RAB1A: variants seen among roughly 807,000 people sequenced by gnomAD.
RAB1A encodes the protein ras-related protein Rab-1A.
In RAB1A, 2 loss-of-function variants were observed where a neutral mutation model predicts 26.0. That is an observed-to-expected ratio of 0.08 (90% confidence interval 0.03 to 0.24). The LOEUF is 0.24. RAB1A is among the 10% of genes least tolerant of loss of function. The pLI is 1.00. For missense variants in RAB1A, 100 were observed against 247.0 expected (o/e 0.40, Z 3.99); for synonymous variants, 84 against 84.9 (o/e 0.99, Z 0.06).
At chr2:65,091,102 C>T in intron 3 of RAB1A, 24 bp from the exon 4 acceptor site, 1 of 1,556,286 alleles carries the variant, frequency 6.4e-7, no homozygotes, top group Non-Finnish European at 8.8e-7. Context: ...ATCAAGAAAT[C>T]CAAACAATTC....
chr2:65,098,533 T>G (rs1573069161), intron 2 of RAB1A, among the ~76,000 whole-genome samples: 1 of 20,922 alleles, frequency 4.8e-5, no homozygotes, highest in South Asian at 1.4e-3. Flanking sequence ...CTAATTATGA[T>G]TTTTTTTTTT....
At chr2:65,098,095 T>C (rs767957296) in intron 2 of RAB1A, 29 bp from the exon 3 acceptor site, 33 of 1,353,472 alleles carry the variant, frequency 2.4e-5, no homozygotes, top group Non-Finnish European at 1.1e-5. Context: ...AACAATTAAA[T>C]GTATTGTTCA....
chr2:65,088,753 T>C, intron 5 of RAB1A, 63 bp from the exon 6 acceptor site: 1 of 1,407,310 alleles, frequency 7.1e-7, no homozygotes, highest in Non-Finnish European at 9.7e-7. Context: ...TTAGTGCATT[T>C]CTACCATCCA....
At chr2:65,128,993 G>A (rs982792646) in intron 1 of RAB1A, among the ~76,000 whole-genome samples, 5 of 152,058 alleles carry the variant, frequency 3.3e-5, no homozygotes, top group African/African-American at 1.2e-4. Context: ...TTCATGACAC[G>A]TCATGGAACC....
rs144722690 is a variant in RAB1A at position 65,094,333 on chromosome 2, C to T, written c.193-3255G>A. On this transcript the variant is annotated intron_variant, in intron 3 of 5. Transcript: ENST00000409784. The stretch of plus-strand genomic sequence containing the variant: ...GGCGCCGTGGCTCACGACTGTAATC[C>T]CAGCACTTTGGGAGGCCAAGGCAGG... 0.022 allele frequency among the ~76,000 whole-genome samples: 3,380 copies of T among 152,196 alleles called. 208 individuals carry two copies. In the East Asian group the frequency reaches 0.23, roughly 10 times the overall value.
In RAB1A at chr2:65,091,473, G is replaced by C. The variant is rs532089256; in HGVS notation, c.193-395C>G. Among the ~76,000 whole-genome samples, 2 of 152,210 alleles carry C rather than the reference G, an allele frequency of 1.3e-5. 1 individual carries two copies. Among genetic ancestry groups the C allele is most frequent in the South Asian group, 4.1e-4 (2 of 4,824 alleles). The stretch of plus-strand genomic sequence containing the variant: ...CTACCATGATTAAAAGCACTGGAGG[G>C]ACCTAATTCAAATAACTACCAGTCA... On this transcript the variant is annotated intron_variant, in intron 3 of 5. Transcript: ENST00000409784.
chr2:65,120,746 G>A (rs188012144), intron 1 of RAB1A, among the ~76,000 whole-genome samples: 2 of 152,152 alleles, frequency 1.3e-5, no homozygotes, highest in Admixed American at 6.6e-5. Context: ...TGGGTTAAAT[G>A]TAACAGTCCC....
At chr2:65,109,534 T>C (rs1669645833) in intron 1 of RAB1A, among the ~76,000 whole-genome samples, 1 of 149,886 alleles carries the variant, frequency 6.7e-6, no homozygotes, top group East Asian at 1.9e-4. Flanking sequence ...TGAAACCCCG[T>C]CTCTACTAAA....
chr2:65,116,506 T>A (rs973301126), intron 1 of RAB1A, among the ~76,000 whole-genome samples: 1 of 152,158 alleles, frequency 6.6e-6, no homozygotes, highest in Non-Finnish European at 1.5e-5. Flanking sequence ...TACCACCCAA[T>A]TAGGCTTCTT....
At chr2:65,124,610 A>G (rs566125995) in intron 1 of RAB1A, among the ~76,000 whole-genome samples, 4 of 151,914 alleles carry the variant, frequency 2.6e-5, no homozygotes, top group Non-Finnish European at 4.4e-5. Flanking sequence ...ACCACACCCA[A>G]TTAATTTTTC....
chr2:65,103,772 GTT>G (rs554204970), intron 2 of RAB1A, among the ~76,000 whole-genome samples: 3 of 151,412 alleles, frequency 2.0e-5, no homozygotes, highest in African/African-American at 7.3e-5. Context: ...ATGCTAATTT[GTT>G]TTTTTATTTT....
chr2:65,108,799 T>G (rs1467195401), intron 1 of RAB1A, among the ~76,000 whole-genome samples: 5 of 152,048 alleles, frequency 3.3e-5, no homozygotes, highest in Non-Finnish European at 7.4e-5. Flanking sequence ...AGGGCGAAAC[T>G]CCATCTCAAA....
At position 65,088,516 on chromosome 2, in the gene RAB1A, G is replaced by C; in HGVS notation, c.595C>G (p.Gln199Glu). 1 of 1,610,304 alleles carries C rather than the reference G, an allele frequency of 6.2e-7. No individual in the cohort carries two copies. The highest frequency in any genetic ancestry group is 1.1e-5 in the South Asian group (1 of 90,094). ...NVKIQSTPVKQSGGGCC is the reference protein window; with the variant it reads ...NVKIQSTPVKESGGGCC ...TTTTAGCAGCAACCTCCACCTGACTGCTTGACTGGAGTGCTCTGAATTTTA... is the reference window on the plus strand; with the variant it reads ...TTTTAGCAGCAACCTCCACCTGACTCCTTGACTGGAGTGCTCTGAATTTTA... The change falls in exon 6 of 6, where the codon CAG becomes GAG. Residue 199 changes from glutamine to glutamate, a missense_variant. Gln to Glu is a conservative substitution (Grantham distance 29, BLOSUM62 2). Around this residue, in one of 2 missense-constraint regions of RAB1A, gnomAD observed 67 missense variants for 122.9 expected, o/e 0.55. Coordinates refer to ENST00000409784, the MANE Select transcript of RAB1A (RefSeq NM_004161.5).
intron 1 of RAB1A, among the ~76,000 whole-genome samples, chr2:65,108,107 T>TA (rs1573078114): frequency 6.7e-6 from 1 of 149,472 alleles, no homozygotes; most frequent in African/African-American, 2.5e-5. Context: ...CATAAAGCTT[T>TA]AAAAAACATG....
Position 65,087,208 on chromosome 2 carries a change from C to A in RAB1A, c.*1285G>T, listed in dbSNP as rs1669054249. 6.6e-6 allele frequency: 1 copy of A among 152,444 alleles called. No homozygotes were observed. The highest frequency in any genetic ancestry group is 1.5e-5 in the Non-Finnish European group (1 of 68,012). The allele number at this position is 152,444 out of a possible 1,614,324, so 9.4% of individuals were successfully genotyped here. A position where few individuals can be genotyped will look rare whatever the true frequency, so the allele number is the denominator to read the frequency against. The stretch of plus-strand genomic sequence containing the variant: ...TTTTTTATTCCTCACAATTAAAAAC[C>A]AAACAAAACCCCCTAGGATCTTGAA... On this transcript the variant is annotated 3_prime_UTR_variant, in exon 6 of 6. Coordinates refer to ENST00000409784, the MANE Select transcript of RAB1A (RefSeq NM_004161.5).
chr2:65,097,324 G>T (rs564512050), intron 3 of RAB1A, among the ~76,000 whole-genome samples: 2 of 152,058 alleles, frequency 1.3e-5, no homozygotes. Context: ...GGGGCTGGGG[G>T]TGTAAAGATG....
intron 1 of RAB1A, among the ~76,000 whole-genome samples, chr2:65,105,141 C>T (rs1669523577): frequency 6.6e-6 from 1 of 152,154 alleles, no homozygotes; most frequent in Admixed American, 6.6e-5. Context: ...TCCCACTCCT[C>T]TATAGTATTA....
At chr2:65,119,805 G>C (rs1669914068) in intron 1 of RAB1A, among the ~76,000 whole-genome samples, 1 of 102,022 alleles carries the variant, frequency 9.8e-6, no homozygotes, top group African/African-American at 3.9e-5. Flanking sequence ...AGGAGCCAGA[G>C]ACAAGCCTGG....
At chr2:65,123,466 A>C (rs772235950) in intron 1 of RAB1A, among the ~76,000 whole-genome samples, 2 of 151,996 alleles carry the variant, frequency 1.3e-5, no homozygotes, top group South Asian at 2.1e-4. Flanking sequence ...TAAATTATTA[A>C]GATTGCTTCC....
Sources: gnomAD v4.1 joint callset for allele counts (sites outside exome capture counted in the v4.1 genomes callset) on GRCh38, gnomAD v4.1.1 for gene constraint, gnomAD v4.1.1 regional missense constraint, MANE v1.5 for transcripts, NCBI Gene and HGNC (gene_info 2026-07-23, HGNC 2026-07-21) for gene names.